DBP: variants seen among roughly 807,000 people sequenced by gnomAD.
DBP encodes D site-binding protein.
A neutral mutation model predicts 21.4 loss-of-function variants in DBP; 12 were observed. The ratio of observed to expected loss-of-function variants is 0.56; its 90% CI spans 0.36 to 0.91. The LOEUF (loss-of-function observed/expected upper bound fraction) is 0.91. Ranked by LOEUF, DBP falls within the 40% of genes least tolerant of loss-of-function variation. The probability of loss-of-function intolerance (pLI) is 0.01; values close to 1 mark genes in which losing one functional copy is unlikely to be tolerated. For missense variants in DBP, 423 were observed against 473.4 expected (o/e 0.89, Z 0.99); for synonymous variants, 213 against 224.9 (o/e 0.95, Z 0.47).
At chr19:48,631,377 TC>T in intron 3 of DBP, 1 of 327,610 alleles carries the variant, frequency 3.1e-6, no homozygotes, top group East Asian at 6.1e-5. Flanking sequence ...AACAAGGCCT[TC>T]ATGGTCTGAG....
rs770169420 is a variant in DBP at position 48,633,540 on chromosome 19, G to A, written c.666C>T (p.Thr222=). The A allele has an allele frequency of 6.2e-7, 1 of 1,614,226 alleles. No homozygotes were observed. ...AGAAGCGATGTCTTCGAGGGTCAAA[G>A]GTCTCGTGGCCAGGAATGCTTGATA... ...LALSSIPGHE[T]FDPRRHRFSE... Residue 222 remains threonine (T), a synonymous_variant, in exon 3 of 4, where the codon ACC becomes ACT. Coordinates refer to ENST00000222122, the MANE Select transcript of DBP (RefSeq NM_001352.5).
At chr19:48,634,995 T>C in intron 2 of DBP, 1 of 985,980 alleles carries the variant, frequency 1.0e-6, no homozygotes, top group Non-Finnish European at 1.2e-6. Flanking sequence ...ATAGGAAGCT[T>C]GGCCCCAGCC....
At chr19:48,631,198 T>C in intron 3 of DBP, 146 bp from the exon 4 acceptor site, 2 of 674,540 alleles carry the variant, frequency 3.0e-6, no homozygotes, top group Non-Finnish European at 4.9e-6. Context: ...AGGGCCCTGG[T>C]TGCTAAGGAG....
chr19:48,630,623 GACGTGCCGGGGACACACACAGAGA>G lies in DBP; in HGVS notation c.*190_*213del, dbSNP rs1405322115. On this transcript the variant is annotated 3_prime_UTR_variant, in exon 4 of 4. Coordinates refer to ENST00000222122, the MANE Select transcript of DBP (RefSeq NM_001352.5). This position sits in a 1 kb window ranked among gnomAD's most constrained non-coding sequence, Gnocchi z 4.9. Reference sequence around the variant, plus strand: ...GAGGCGGTGGGAGGATAGGGTCCCTGACGTGCCGGGGACACACACAGAGAACCCTCCCCGCCCCCGCAAGGGAGG... The same window carrying G: ...GAGGCGGTGGGAGGATAGGGTCCCTGACCCTCCCCGCCCCCGCAAGGGAGG... 1 of 1,513,882 alleles carries G rather than the reference GACGTGCCGGGGACACACACAGAGA, an allele frequency of 6.6e-7. No individual in the cohort carries two copies. Among genetic ancestry groups the G allele is most frequent in the Admixed American group, 2.1e-5 (1 of 47,322 alleles). The allele number at this position is 1,513,882 out of a possible 1,614,324, so 93.8% of individuals were successfully genotyped here. A position where few individuals can be genotyped will look rare whatever the true frequency, so the allele number is the denominator to read the frequency against.
rs1358253718 is a variant in DBP at position 48,635,973 on chromosome 19, C to T, written c.157G>A (p.Glu53Lys). ...EPASCLLKEK[E>K]RKAALPAATT... ...GCTGCAGGCAGGGCCGCCTTGCGCT[C>T]CTTTTCCTTCAGGAGACCTGCGGGC... Residue 53 changes from glutamate (E) to lysine (K), a missense_variant, in exon 2 of 4, where the codon GAG becomes AAG. Transcript: ENST00000222122. The T allele has an allele frequency of 1.3e-6, 2 of 1,522,026 alleles. No individual in the cohort carries two copies. The highest frequency in any genetic ancestry group is 1.8e-6 in the Non-Finnish European group (2 of 1,141,636). The allele number at this position is 1,522,026 out of a possible 1,614,324, so 94.3% of individuals were successfully genotyped here. A position where few individuals can be genotyped will look rare whatever the true frequency, so the allele number is the denominator to read the frequency against.
chr19:48,630,630 C>G lies in DBP; in HGVS notation c.*207G>C, dbSNP rs1384338822. 1.3e-5 allele frequency: 20 copies of G among 1,503,754 alleles called. No homozygotes were observed. In the East Asian group the frequency reaches 4.9e-4, roughly 37 times the overall value. The allele number at this position is 1,503,754 out of a possible 1,614,324, so 93.2% of individuals were successfully genotyped here. On this transcript the variant is annotated 3_prime_UTR_variant, in exon 4 of 4. Transcript: ENST00000222122. The surrounding 1 kb of genome is among the most constrained non-coding windows in gnomAD (Gnocchi z 4.9). ...TGGGAGGATAGGGTCCCTGACGTGC[C>G]GGGGACACACACAGAGAACCCTCCC...
rs2030676751 is a variant in DBP at position 48,633,592 on chromosome 19, A to G, written c.614T>C (p.Phe205Ser). The part of the protein sequence containing the change: ...DPDTVEVLMT[F>S]EPDPADLALS... ...GGCAAGATCAGCTGGGTCGGGTTCA[A>G]AGGTCATCAACACCTCCACGGTGTC... The change falls in exon 3 of 4, where the codon TTT becomes TCT. Residue 205 changes from phenylalanine to serine, a missense_variant. Phe to Ser is a radical substitution (Grantham distance 155). Transcript: ENST00000222122. 1 of 1,614,152 alleles carries G rather than the reference A, an allele frequency of 6.2e-7. No individual in the cohort carries two copies. Among genetic ancestry groups the G allele is most frequent in the South Asian group, 1.1e-5 (1 of 91,082 alleles).
At chr19:48,633,828 C>T (rs2030684964) in intron 2 of DBP, 173 bp from the exon 3 acceptor site, 2 of 625,006 alleles carry the variant, frequency 3.2e-6, no homozygotes, top group Admixed American at 2.8e-5. Context: ...TGGCCAGGCG[C>T]AGTGGCTCAC....
intron 1 of DBP, 126 bp downstream of exon 1, chr19:48,636,730 T>A: frequency 8.5e-7 from 1 of 1,177,070 alleles, no homozygotes; most frequent in South Asian, 1.5e-5. Context: ...CCTGAGTAAT[T>A]GAGTAGATTA....
intron 2 of DBP, 135 bp from the exon 3 acceptor site, chr19:48,633,790 T>G: frequency 2.8e-6 from 2 of 717,624 alleles, no homozygotes; most frequent in Non-Finnish European, 4.7e-6. Context: ...GGGATTAATC[T>G]CCCTAATATA....
chr19:48,633,235 C>T (rs1349787052), intron 3 of DBP: 7 of 646,210 alleles, frequency 1.1e-5, no homozygotes, highest in African/African-American at 5.4e-5. Context: ...GAGTGAGGCC[C>T]CTCGCCCAGT....
At chr19:48,634,370 G>A (rs1264014068) in intron 2 of DBP, 1 of 152,436 alleles carries the variant, frequency 6.6e-6, no homozygotes, top group Non-Finnish European at 1.5e-5. Context: ...CCTAAGCTTA[G>A]ACCCCAGACT....
Position 48,630,705 on chromosome 19 carries a change from GT to G in DBP, c.*131del. 1 of 1,405,596 alleles carries G rather than the reference GT, an allele frequency of 7.1e-7. No individual in the cohort carries two copies. The highest frequency in any genetic ancestry group is 1.4e-5 in the South Asian group (1 of 70,310). The allele number at this position is 1,405,596 out of a possible 1,614,324, so 87.1% of individuals were successfully genotyped here. On this transcript the variant is annotated 3_prime_UTR_variant, in exon 4 of 4. Coordinates refer to ENST00000222122, the MANE Select transcript of DBP (RefSeq NM_001352.5). The surrounding 1 kb of genome is among the most constrained non-coding windows in gnomAD (Gnocchi z 4.9). ...CTCGCTTTTTCTTAAAAATATAAATGTATTTATCTGCATTATCACGTCCCTG... is the reference window on the plus strand; with the variant it reads ...CTCGCTTTTTCTTAAAAATATAAATGATTTATCTGCATTATCACGTCCCTG...
chr19:48,634,640 G>GC (rs67000082), intron 2 of DBP: 35 of 968,990 alleles, frequency 3.6e-5, no homozygotes, highest in Admixed American at 6.2e-5. Flanking sequence ...CCCCGGCCCC[G>GC]CCCCCCTCGC....
Position 48,633,702 on chromosome 19 carries a change from G to A in DBP, c.551-47C>T, listed in dbSNP as rs757673348. 4.5e-6 allele frequency: 7 copies of A among 1,544,646 alleles called. No homozygotes were observed. In the South Asian group the frequency reaches 5.6e-5, roughly 12 times the overall value. On this transcript the variant is annotated intron_variant, in intron 2 of 3. Transcript: ENST00000222122. ...AGCTGAGTGTGTATTTTAAGGAGGG[G>A]GTTTCCTGAAGCTACTTTTTGCTGT... is the stretch of plus-strand genomic sequence containing the variant.
chr19:48,636,751 G>C, intron 1 of DBP, 105 bp downstream of exon 1: 1 of 1,363,452 alleles, frequency 7.3e-7, no homozygotes, highest in South Asian at 1.3e-5. Context: ...AGGTTGGGAA[G>C]ATGGACTCCC....
At chr19:48,631,111 AG>A in intron 3 of DBP, 59 bp from the exon 4 acceptor site, 2 of 1,497,142 alleles carry the variant, frequency 1.3e-6, no homozygotes, top group Non-Finnish European at 1.8e-6. Context: ...CCAGCGAGAG[AG>A]GAAGGGAGCC....
At chr19:48,634,055 G>C in intron 2 of DBP, 1 of 265,562 alleles carries the variant, frequency 3.8e-6, no homozygotes, top group South Asian at 4.0e-5. Flanking sequence ...GCAGTGAGCT[G>C]AGATCATACC....
chr19:48,635,814 C>T lies in DBP; in HGVS notation c.316G>A (p.Glu106Lys), dbSNP rs998686655. The T allele has an allele frequency of 3.5e-6, 5 of 1,433,034 alleles. No individual in the cohort carries two copies. The highest frequency in any genetic ancestry group is 4.5e-6 in the Non-Finnish European group (5 of 1,102,340). The allele number at this position is 1,433,034 out of a possible 1,614,324, so 88.8% of individuals were successfully genotyped here. A position where few individuals can be genotyped will look rare whatever the true frequency, so the allele number is the denominator to read the frequency against. ...ACATCGCCGAACGGCAGCGTGCGCT[C>T]CCACAGCAGTGGCGCCAACAGACCC... ...APGLLAPLLW[E>K]RTLPFGDVEY... The change falls in exon 2 of 4, where the codon GAG becomes AAG. Residue 106 changes from glutamate to lysine, a missense_variant. Around this residue, in one of 4 missense-constraint regions of DBP, gnomAD observed 283 missense variants for 273.7 expected, o/e 1.03. Coordinates refer to ENST00000222122, the MANE Select transcript of DBP (RefSeq NM_001352.5).
Sources: gnomAD v4.1 joint callset for allele counts on GRCh38, gnomAD v4.1.1 for gene constraint, gnomAD v4.1.1 regional missense constraint, Gnocchi (gnomAD v3.1) non-coding constraint, MANE v1.5 for transcripts, NCBI Gene and HGNC (gene_info 2026-07-23, HGNC 2026-07-21) for gene names.